COL21A1: variants seen among roughly 807,000 people sequenced by gnomAD.
The protein encoded by COL21A1 is collagen alpha-1(XXI) chain.
COL21A1 carries 149 observed loss-of-function variants against 137.9 expected under a neutral mutation model. The observed-to-expected ratio is 1.08, with a 90% CI of 0.95 to 1.24. The LOEUF (loss-of-function observed/expected upper bound fraction) is 1.24, where lower values mean the gene tolerates loss of function less well. Among genes scored for constraint, COL21A1 ranks in the 50% most tolerant of loss-of-function variants. COL21A1 has a pLI of 0.00. For missense variants in COL21A1, 1,167 were observed against 1,158.4 expected, an observed-to-expected ratio of 1.01 and a Z score of -0.11; for synonymous variants, 456 against 391.5, an observed-to-expected ratio of 1.16 and a Z score of -1.95.
chr6:56,289,200 T>C (rs1015920430), intron 1 of COL21A1, among the ~76,000 whole-genome samples: 8 of 152,206 alleles, frequency 5.3e-5, no homozygotes, highest in Non-Finnish European at 8.8e-5. Context: ...AATTTCTCAA[T>C]TCTTAAGGAT....
chr6:56,241,498 A>C (rs369973979), intron 1 of COL21A1, among the ~76,000 whole-genome samples: 6 of 152,192 alleles, frequency 3.9e-5, no homozygotes, highest in South Asian at 2.1e-4. Flanking sequence ...AACTCAGCCT[A>C]GTGTTGCTAG....
intron 1 of COL21A1, among the ~76,000 whole-genome samples, chr6:56,354,281 A>G (rs1292054685): frequency 1.3e-5 from 2 of 152,222 alleles, no homozygotes; most frequent in African/African-American, 2.4e-5. Context: ...CTCTTGATAT[A>G]GTTGTTATAC....
chr6:56,105,020 T>A (rs1770760394), intron 16 of COL21A1, among the ~76,000 whole-genome samples: 1 of 152,200 alleles, frequency 6.6e-6, no homozygotes, highest in African/African-American at 2.4e-5. Context: ...ATGGCATAGT[T>A]TATTCTTCAT....
At chr6:56,319,258 A>G (rs1411576978) in intron 1 of COL21A1, among the ~76,000 whole-genome samples, 1 of 152,216 alleles carries the variant, frequency 6.6e-6, no homozygotes, top group Admixed American at 6.5e-5. Context: ...AAGTTTTCAC[A>G]CCTGTCTGGT....
At chr6:56,392,411 G>A (rs2094031538) in intron 1 of COL21A1, among the ~76,000 whole-genome samples, 1 of 152,028 alleles carries the variant, frequency 6.6e-6, no homozygotes, top group South Asian at 2.1e-4. Flanking sequence ...AAAACTGAAA[G>A]CCTTTTCTCT....
At chr6:56,227,847 G>A (rs1781309039) in intron 1 of COL21A1, among the ~76,000 whole-genome samples, 1 of 151,968 alleles carries the variant, frequency 6.6e-6, no homozygotes, top group Admixed American at 6.6e-5. Flanking sequence ...GGAGCTTGGT[G>A]GAGTGAATAC....
chr6:56,077,699 T>C, intron 17 of COL21A1, 126 bp from the exon 18 acceptor site: 1 of 580,140 alleles, frequency 1.7e-6, no homozygotes, highest in South Asian at 2.4e-5. Context: ...CATATTATAA[T>C]ATTGCTATTT....
At chr6:56,171,216 G>T in intron 3 of COL21A1, 88 bp from the exon 4 acceptor site, 1 of 782,408 alleles carries the variant, frequency 1.3e-6, no homozygotes. Flanking sequence ...AGACAATATA[G>T]TATTCTATCA....
chr6:56,249,436 C>G (rs981406062), upstream of COL21A1, among the ~76,000 whole-genome samples: 2 of 152,136 alleles, frequency 1.3e-5, no homozygotes, highest in Non-Finnish European at 2.9e-5. Context: ...AGGAATGTTA[C>G]TCATAAAGCC....
chr6:56,355,761 T>A (rs987118138), intron 1 of COL21A1, among the ~76,000 whole-genome samples: 1 of 151,918 alleles, frequency 6.6e-6, no homozygotes, highest in Non-Finnish European at 1.5e-5. Context: ...AAACCATGAG[T>A]TGAGGGTTGT....
At chr6:56,153,364 C>T (rs115351211) in intron 10 of COL21A1, among the ~76,000 whole-genome samples, 320 of 152,250 alleles carry the variant, frequency 2.1e-3, no homozygotes, top group African/African-American at 7.3e-3. Flanking sequence ...AGAATCAACG[C>T]CCTCCAACCT....
intron 1 of COL21A1, among the ~76,000 whole-genome samples, chr6:56,200,687 T>C (rs1378077601): frequency 6.6e-6 from 1 of 152,144 alleles, no homozygotes; most frequent in African/African-American, 2.4e-5. Flanking sequence ...CCACATTTTC[T>C]TCATCCAGTA....
rs141177371 is a variant in COL21A1, at chr6:56,204,562, T to A, written c.-38-21906A>T. Among the ~76,000 whole-genome samples, 1,193 of 152,152 alleles carry A rather than the reference T, an allele frequency of 7.8e-3. 20 individuals are homozygous for A. Among genetic ancestry groups the A allele is most frequent in the African/African-American group, 0.027 (1,130 of 41,512 alleles). On this transcript the variant is annotated intron_variant, in intron 1 of 29. Transcript: ENST00000244728. ...GGAGGCTGTGGGTGCAGCTTCAACATACGTAAACATCCCTACTTGACAGCT... is the reference window on the plus strand; with the variant it reads ...GGAGGCTGTGGGTGCAGCTTCAACAAACGTAAACATCCCTACTTGACAGCT...
intron 1 of COL21A1, among the ~76,000 whole-genome samples, chr6:56,356,236 T>A (rs774938942): frequency 6.6e-6 from 1 of 152,116 alleles, no homozygotes; most frequent in Non-Finnish European, 1.5e-5. Context: ...CCAGAAGAGA[T>A]GCTATTTTGT....
At chr6:56,306,606 A>T (rs1000435190) in intron 1 of COL21A1, among the ~76,000 whole-genome samples, 1 of 151,982 alleles carries the variant, frequency 6.6e-6, no homozygotes, top group African/African-American at 2.4e-5. Flanking sequence ...ACTTTTCTGC[A>T]TTGATTATTC....
chr6:56,218,740 C>T (rs1780640185), intron 1 of COL21A1, among the ~76,000 whole-genome samples: 1 of 152,198 alleles, frequency 6.6e-6, no homozygotes, highest in East Asian at 1.9e-4. Context: ...GCAGCAGAGA[C>T]AACTTGCAAC....
intron 1 of COL21A1, among the ~76,000 whole-genome samples, chr6:56,387,404 G>A (rs2094020135): frequency 6.6e-6 from 1 of 152,046 alleles, no homozygotes; most frequent in Non-Finnish European, 1.5e-5. Context: ...CCCCCTGAAA[G>A]AACATCTAAT....
chr6:56,155,169 A>G (rs1313423067), intron 10 of COL21A1, among the ~76,000 whole-genome samples: 1 of 152,122 alleles, frequency 6.6e-6, no homozygotes, highest in Non-Finnish European at 1.5e-5. Flanking sequence ...AAGATGCAAT[A>G]TCTCATTTTC....
chr6:56,359,458 T>C (rs1765916234), intron 1 of COL21A1, among the ~76,000 whole-genome samples: 1 of 152,180 alleles, frequency 6.6e-6, no homozygotes, highest in East Asian at 1.9e-4. Flanking sequence ...TTCAACTCAG[T>C]TCCCTGAATC....
Sources: allele counts gnomAD v4.1 joint callset (sites outside exome capture counted in the v4.1 genomes callset), GRCh38; gene constraint gnomAD v4.1.1; transcripts MANE v1.5; gene names NCBI Gene and HGNC (gene_info 2026-07-23, HGNC 2026-07-21).